Variants in XRCC5 observed in about 807,000 individuals in gnomAD.
XRCC5 encodes X-ray repair cross complementing 5.
Under a neutral mutation model 95.7 loss-of-function variants are expected in XRCC5, and 12 were observed. The observed-to-expected ratio is 0.13, with a 90% confidence interval of 0.08 to 0.20. XRCC5 has a LOEUF of 0.20. Ranked by LOEUF, XRCC5 falls within the 10% of genes least tolerant of loss-of-function variation. XRCC5 has a pLI of 1.00. For missense variants in XRCC5, 595 were observed against 873.9 expected (o/e 0.68, Z 4.02); for synonymous variants, 281 against 290.3 (o/e 0.97, Z 0.33).
chr2:216,203,469 G>T (rs1689881239), intron 19 of XRCC5, among the ~76,000 whole-genome samples: 1 of 152,142 alleles, frequency 6.6e-6, no homozygotes, highest in Admixed American at 6.5e-5. Flanking sequence ...GAAGGAAAAG[G>T]CTCCCCACTG....
intron 10 of XRCC5, 24 bp from the exon 11 acceptor site, chr2:216,137,064 T>G (rs1253847260): frequency 5.0e-6 from 8 of 1,609,770 alleles, no homozygotes; most frequent in Non-Finnish European, 6.8e-6. Context: ...GAATATGTGT[T>G]AATACATCCA....
At chr2:216,164,319 A>G (rs976055486) in intron 16 of XRCC5, among the ~76,000 whole-genome samples, 3 of 152,226 alleles carry the variant, frequency 2.0e-5, no homozygotes, top group African/African-American at 7.2e-5. Flanking sequence ...TGGTCTTTTC[A>G]GGGACTGAAT....
intron 14 of XRCC5, among the ~76,000 whole-genome samples, chr2:216,158,022 G>A (rs1688879206): frequency 6.6e-6 from 1 of 152,162 alleles, no homozygotes; most frequent in Admixed American, 6.5e-5. Flanking sequence ...TTACTGTGTT[G>A]TGCATATGAC....
chr2:216,116,897 G>GT, intron 3 of XRCC5, 55 bp downstream of exon 3: 2 of 1,582,102 alleles, frequency 1.3e-6, no homozygotes, highest in Non-Finnish European at 1.7e-6. Context: ...TCTGGGAATC[G>GT]TACAGCAGTT....
At chr2:216,114,912 C>G (rs528347641) in intron 2 of XRCC5, among the ~76,000 whole-genome samples, 1 of 152,216 alleles carries the variant, frequency 6.6e-6, no homozygotes, top group African/African-American at 2.4e-5. Flanking sequence ...TAAGCAGTAG[C>G]AGGGCTAGTG....
At chr2:216,109,488 C>T in intron 1 of XRCC5, 31 bp downstream of exon 1, 8 of 1,613,152 alleles carry the variant, frequency 5.0e-6, no homozygotes, top group Admixed American at 1.7e-5. Flanking sequence ...TTGGGCTTTA[C>T]CCGGACTGGG....
intron 14 of XRCC5, among the ~76,000 whole-genome samples, chr2:216,151,648 G>T (rs568463608): frequency 6.6e-6 from 1 of 152,298 alleles, no homozygotes; most frequent in South Asian, 2.1e-4. Context: ...TGTCATGGGG[G>T]TTAATGCGAG....
chr2:216,195,018 A>G (rs770626352), intron 19 of XRCC5, 32 bp downstream of exon 19: 3 of 1,604,642 alleles, frequency 1.9e-6, no homozygotes, highest in African/African-American at 1.3e-5. Flanking sequence ...TCTTTAGTTG[A>G]ATTATTATAG....
At chr2:216,203,131 C>T (rs907390375) in intron 19 of XRCC5, among the ~76,000 whole-genome samples, 11 of 152,060 alleles carry the variant, frequency 7.2e-5, no homozygotes, top group East Asian at 1.9e-4. Flanking sequence ...ACTTTTTCCT[C>T]TTGGGTGGAA....
chr2:216,154,055 G>T (rs1688798949), intron 14 of XRCC5, among the ~76,000 whole-genome samples: 1 of 152,154 alleles, frequency 6.6e-6, no homozygotes, highest in African/African-American at 2.4e-5. Flanking sequence ...TTACCAAGTT[G>T]TATTATATTT....
At chr2:216,194,252 CAA>C (rs1293933227) in intron 18 of XRCC5, among the ~76,000 whole-genome samples, 2 of 152,036 alleles carry the variant, frequency 1.3e-5, no homozygotes, top group African/African-American at 4.8e-5. Flanking sequence ...TATAATGAAA[CAA>C]TATTATTTAA....
intron 12 of XRCC5, among the ~76,000 whole-genome samples, chr2:216,140,976 G>A (rs1052629219): frequency 6.6e-6 from 1 of 152,112 alleles, no homozygotes; most frequent in Non-Finnish European, 1.5e-5. Flanking sequence ...GGTAGAACTG[G>A]AACCTAATCA....
chr2:216,137,036 T>C (rs954758535), intron 10 of XRCC5, 52 bp from the exon 11 acceptor site: 1 of 1,579,368 alleles, frequency 6.3e-7, no homozygotes, highest in Non-Finnish European at 8.6e-7. Flanking sequence ...AGTTCTGTTG[T>C]GAAAACTCTC....
chr2:216,204,333 C>T lies in XRCC5; in HGVS notation c.2121C>T (p.Pro707=). The change falls in exon 20 of 21, where the codon CCC becomes CCT. Residue 707 remains proline (P), a synonymous_variant. Coordinates refer to ENST00000392132, the MANE Select transcript of XRCC5 (RefSeq NM_021141.4). ...CTTTCTATTTACAGTTTCTGGCCCC[C>T]AAAGACAAACCAAGTGGAGACACAG... ...TAEEAKKFLA[P]KDKPSGDTAA... is the part of the protein sequence containing the mutation. The T allele has an allele frequency of 6.2e-7, 1 of 1,613,906 alleles. No individual in the cohort carries two copies. The highest frequency in any genetic ancestry group is 8.5e-7 in the Non-Finnish European group (1 of 1,179,840).
At chr2:216,117,696 G>A (rs373529050) in intron 3 of XRCC5, 50 bp from the exon 4 acceptor site, 5 of 1,587,812 alleles carry the variant, frequency 3.1e-6, no homozygotes, top group East Asian at 2.2e-5. Context: ...AGAGTTGCGT[G>A]TTCACATGAA....
rs1483416452 is a variant in XRCC5 at position 216,141,283 on chromosome 2, C to G, written c.1440C>G (p.Thr480=). Residue 480 remains threonine (T), a synonymous_variant, in exon 13 of 21, where the codon ACC becomes ACG. Coordinates refer to ENST00000392132, the MANE Select transcript of XRCC5 (RefSeq NM_021141.4). The stretch of plus-strand genomic sequence containing the variant: ...CCCTTGAAGACTTGTTTCCAACCAC[C>G]AAAATCCCAAATCCTCGATTTCAGA... ...TDTLEDLFPT[T]KIPNPRFQRL... 6.2e-7 allele frequency: 1 copy of G among 1,614,060 alleles called. No individual in the cohort carries two copies. Among genetic ancestry groups the G allele is most frequent in the Admixed American group, 1.7e-5 (1 of 60,024 alleles).
At chr2:216,149,621 A>T (rs1234722094) in intron 14 of XRCC5, among the ~76,000 whole-genome samples, 1 of 149,884 alleles carries the variant, frequency 6.7e-6, no homozygotes, top group African/African-American at 2.4e-5. Flanking sequence ...CTGTGTGTTA[A>T]ATCTCCAGTC....
Position 216,137,230 on chromosome 2 carries a change from A to G in XRCC5, c.1251+5A>G, listed in dbSNP as rs1463874769. The stretch of plus-strand genomic sequence containing the variant: ...CATATCAAGCATAACTATGAGGTAA[A>G]ACCCAAAGTCTTAATGTTATTTTTT... On this transcript the variant is annotated splice_donor_5th_base_variant and intron_variant, in intron 11 of 20. Transcript: ENST00000392132. 1.2e-6 allele frequency: 2 copies of G among 1,611,182 alleles called. No homozygotes were observed. Among genetic ancestry groups the G allele is most frequent in the African/African-American group, 2.7e-5 (2 of 74,922 alleles).
At position 216,162,066 on chromosome 2, in the gene XRCC5, C is replaced by T. The variant is rs187719704; in HGVS notation, c.1834+18C>T. 6.2e-7 allele frequency: 1 copy of T among 1,609,758 alleles called. No individual in the cohort carries two copies. Among genetic ancestry groups the T allele is most frequent in the Admixed American group, 1.7e-5 (1 of 60,018 alleles). ...TGAGGAAGGTGAGTGGTTGACTTTG[C>T]ATTTAGGAGAAGCTGTTTAGTTAAG... On this transcript the variant is annotated intron_variant, in intron 16 of 20. Transcript: ENST00000392132.
Sources: allele counts gnomAD v4.1 joint callset (sites outside exome capture counted in the v4.1 genomes callset), GRCh38; gene constraint gnomAD v4.1.1; transcripts MANE v1.5; gene names NCBI Gene and HGNC (gene_info 2026-07-23, HGNC 2026-07-21).